Variants in TMEM117 observed in about 807,000 individuals in gnomAD.
TMEM117 encodes the protein transmembrane protein 117.
TMEM117 carries 27 observed loss-of-function variants against 52.4 expected under a neutral mutation model. That is an observed-to-expected ratio of 0.51 (90% confidence interval 0.38 to 0.71). The LOEUF (loss-of-function observed/expected upper bound fraction) is 0.71. Among genes scored for constraint, TMEM117 ranks in the 30% least tolerant of loss-of-function variants. TMEM117 has a pLI of 0.00. For synonymous variants in TMEM117, 215 were observed against 206.3 expected (o/e 1.04, Z -0.36); for missense variants, 556 against 630.5 (o/e 0.88, Z 1.26).
chr12:43,841,394 C>T (rs1943113536), intron 1 of TMEM117, among the ~76,000 whole-genome samples: 2 of 152,144 alleles, frequency 1.3e-5, no homozygotes. Flanking sequence ...TTGTTTTCTT[C>T]CCTGTAATGT....
intron 4 of TMEM117, among the ~76,000 whole-genome samples, chr12:44,210,477 T>C (rs1465086603): frequency 6.6e-6 from 1 of 152,194 alleles, no homozygotes; most frequent in African/African-American, 2.4e-5. Context: ...ATTTTATCAT[T>C]TCTTCTTGAA....
intron 3 of TMEM117, among the ~76,000 whole-genome samples, chr12:44,136,351 G>A (rs1421438797): frequency 6.6e-6 from 1 of 152,056 alleles, no homozygotes; most frequent in Admixed American, 6.6e-5. Context: ...AAATTAGATT[G>A]CATATTCCTG....
Position 44,007,262 on chromosome 12 carries a change from T to C in TMEM117, c.410+62920T>C, listed in dbSNP as rs377324470. ...TAAGAATAAGAAAAAGAAATTTTCA[T>C]TTTATGTTCATTTATTTCTTGATGA... On this transcript the variant is annotated intron_variant, in intron 3 of 7. Transcript: ENST00000266534. 2.4e-3 allele frequency among the ~76,000 whole-genome samples: 366 copies of C among 152,318 alleles called. 2 individuals are homozygous for C. Among genetic ancestry groups the C allele is most frequent in the African/African-American group, 8.4e-3 (350 of 41,578 alleles).
chr12:44,366,617 G>A (rs1951793199), intron 6 of TMEM117, among the ~76,000 whole-genome samples: 1 of 152,044 alleles, frequency 6.6e-6, no homozygotes, highest in Non-Finnish European at 1.5e-5. Context: ...TTGAAGAAAG[G>A]CATGGAAAGC....
chr12:44,362,721 AAG>A (rs1951737364), intron 6 of TMEM117, among the ~76,000 whole-genome samples: 1 of 152,150 alleles, frequency 6.6e-6, no homozygotes, highest in African/African-American at 2.4e-5. Context: ...GAGTAAAGAG[AAG>A]TGACAAGGAC....
chr12:44,079,399 G>A (rs560386243), intron 3 of TMEM117, among the ~76,000 whole-genome samples: 13 of 151,976 alleles, frequency 8.6e-5, no homozygotes, highest in East Asian at 1.9e-4. Flanking sequence ...TTTAATGATC[G>A]CCATTCTAAC....
At chr12:43,837,088 T>A (rs898254527) in intron 1 of TMEM117, among the ~76,000 whole-genome samples, 2 of 152,196 alleles carry the variant, frequency 1.3e-5, no homozygotes, top group Non-Finnish European at 2.9e-5. Flanking sequence ...TGGATATACT[T>A]TCTTTTATCC....
intron 6 of TMEM117, among the ~76,000 whole-genome samples, chr12:44,358,520 C>T (rs1951681463): frequency 6.6e-6 from 1 of 152,080 alleles, no homozygotes; most frequent in Admixed American, 6.6e-5. Flanking sequence ...TTCATTAATA[C>T]ACAATCCCTC....
chr12:44,077,164 G>A (rs1947395670), intron 3 of TMEM117, among the ~76,000 whole-genome samples: 1 of 152,118 alleles, frequency 6.6e-6, no homozygotes, highest in African/African-American at 2.4e-5. Context: ...ACCTGCTGAA[G>A]GCAGTGAAAA....
chr12:44,095,415 G>T (rs1016287727), intron 3 of TMEM117, among the ~76,000 whole-genome samples: 14 of 152,036 alleles, frequency 9.2e-5, no homozygotes, highest in African/African-American at 3.4e-4. Context: ...TGTTGAGAGT[G>T]GATTTGAATA....
chr12:44,086,510 C>T (rs979202482), intron 3 of TMEM117, among the ~76,000 whole-genome samples: 3 of 152,022 alleles, frequency 2.0e-5, no homozygotes, highest in African/African-American at 7.2e-5. Context: ...CTACTGTGTG[C>T]GGCCACAACT....
chr12:44,141,966 G>C (rs2138196671), intron 3 of TMEM117, among the ~76,000 whole-genome samples: 1 of 152,294 alleles, frequency 6.6e-6, no homozygotes, highest in East Asian at 1.9e-4. Flanking sequence ...GGACAGAGTA[G>C]ATATTTGTTG....
At chr12:44,293,053 C>G (rs769143906) in intron 5 of TMEM117, among the ~76,000 whole-genome samples, 2 of 151,248 alleles carry the variant, frequency 1.3e-5, no homozygotes, top group South Asian at 2.1e-4. Flanking sequence ...GTATTGCTGT[C>G]TCTTTTTTTT....
chr12:44,313,900 AGCTT>A, intron 6 of TMEM117, among the ~76,000 whole-genome samples: 1 of 152,170 alleles, frequency 6.6e-6, no homozygotes, highest in African/African-American at 2.4e-5. Context: ...TTTGGCTCTC[AGCTT>A]GAACCTCTTT....
At chr12:44,346,342 T>G (rs1044159668) in intron 6 of TMEM117, among the ~76,000 whole-genome samples, 1 of 152,140 alleles carries the variant, frequency 6.6e-6, no homozygotes, top group Non-Finnish European at 1.5e-5. Flanking sequence ...TGATGCTTTT[T>G]CTGTGTGAGT....
At chr12:44,331,751 T>A (rs541224304) in intron 6 of TMEM117, among the ~76,000 whole-genome samples, 28 of 152,142 alleles carry the variant, frequency 1.8e-4, no homozygotes, top group Admixed American at 6.6e-4. Flanking sequence ...ATACCCTTTC[T>A]TGTCCACTGG....
intron 5 of TMEM117, among the ~76,000 whole-genome samples, chr12:44,255,400 A>G (rs1026708044): frequency 2.6e-5 from 4 of 152,198 alleles, no homozygotes; most frequent in Admixed American, 2.6e-4. Context: ...ATCACTGGCC[A>G]TCAGAGAAAT....
intron 5 of TMEM117, among the ~76,000 whole-genome samples, chr12:44,268,921 T>G (rs1950413467): frequency 6.6e-6 from 1 of 152,198 alleles, no homozygotes; most frequent in South Asian, 2.1e-4. Context: ...CCATAATTTG[T>G]GCTTTGTAAT....
the TMEM117 span, chr12:43,795,834 C>G: frequency 7.1e-7 from 1 of 1,399,188 alleles, no homozygotes; most frequent in South Asian, 1.2e-5. Context: ...TATGAATGCT[C>G]ACAAATAATA....
Sources: allele counts gnomAD v4.1 joint callset (sites outside exome capture counted in the v4.1 genomes callset), GRCh38; gene constraint gnomAD v4.1.1; transcripts MANE v1.5; gene names NCBI Gene and HGNC (gene_info 2026-07-23, HGNC 2026-07-21).